MITF: variants seen among roughly 807,000 people sequenced by gnomAD.
The protein encoded by MITF is melanocyte inducing transcription factor, also known as microphthalmia-associated transcription factor.
A neutral mutation model predicts 60.5 loss-of-function variants in MITF; 17 were observed. That is an observed-to-expected ratio of 0.28 (90% CI 0.19 to 0.42). The LOEUF (loss-of-function observed/expected upper bound fraction) is 0.42, where lower values mean the gene tolerates loss of function less well. Among genes scored for constraint, MITF ranks in the 10% least tolerant of loss-of-function variants. The pLI is 1.00. For synonymous variants in MITF, 260 were observed against 248.5 expected, an observed-to-expected ratio of 1.05 and a Z score of -0.43; for missense variants, 622 against 683.5, an observed-to-expected ratio of 0.91 and a Z score of 1.00.
At chr3:69,822,154 G>A (rs1054605252) in intron 1 of MITF, among the ~76,000 whole-genome samples, 2 of 152,088 alleles carry the variant, frequency 1.3e-5, no homozygotes, top group Non-Finnish European at 2.9e-5. Flanking sequence ...ACCACACCTG[G>A]CCTGTCAGCA....
intron 2 of MITF, among the ~76,000 whole-genome samples, chr3:69,889,043 T>C (rs1202013620): frequency 1.4e-5 from 2 of 146,906 alleles, no homozygotes; most frequent in Non-Finnish European, 3.0e-5. Context: ...TTTTTTTTTT[T>C]TTTTTTTTGC....
intron 1 of MITF, among the ~76,000 whole-genome samples, chr3:69,835,893 T>C (rs2063532744): frequency 6.6e-6 from 1 of 152,224 alleles, no homozygotes; most frequent in Non-Finnish European, 1.5e-5. Flanking sequence ...GTAGTATATT[T>C]TGAAGTCAGG....
intron 1 of MITF, among the ~76,000 whole-genome samples, chr3:69,857,193 A>G (rs997506483): frequency 6.6e-6 from 1 of 152,012 alleles, no homozygotes. Flanking sequence ...GCAAGGTTCT[A>G]ATTTTAGAAT....
chr3:69,919,513 A>G (rs1194746694), intron 2 of MITF, among the ~76,000 whole-genome samples: 2 of 152,216 alleles, frequency 1.3e-5, no homozygotes, highest in Non-Finnish European at 2.9e-5. Flanking sequence ...CCCCCAAGAC[A>G]ACATTTGTGC....
chr3:69,802,368 G>A (rs1370432886), intron 1 of MITF, among the ~76,000 whole-genome samples: 1 of 152,128 alleles, frequency 6.6e-6, no homozygotes, highest in Non-Finnish European at 1.5e-5. Context: ...AGCAGAATTC[G>A]AATTCTTTTC....
chr3:69,938,463 C>T, intron 3 of MITF: 1 of 1,478,746 alleles, frequency 6.8e-7, no homozygotes, highest in East Asian at 2.5e-5. Context: ...TTGTGAATGT[C>T]TGGAATATTA....
intron 1 of MITF, among the ~76,000 whole-genome samples, chr3:69,820,201 CTT>C (rs1222539127): frequency 6.6e-6 from 1 of 152,144 alleles, no homozygotes; most frequent in Non-Finnish European, 1.5e-5. Flanking sequence ...GTAAAATTGA[CTT>C]CACGTGCTTC....
rs142666630 is a variant in MITF at position 69,803,801 on chromosome 3, C to G, written c.104+64100C>G. 3.4e-4 allele frequency among the ~76,000 whole-genome samples: 52 copies of G among 151,986 alleles called. 2 individuals carry two copies. The East Asian group carries it at 5.8e-3, about 17-fold the overall frequency. On this transcript the variant is annotated intron_variant, in intron 1 of 9. Coordinates refer to ENST00000352241, the MANE Select transcript of MITF (RefSeq NM_001354604.2). The stretch of plus-strand genomic sequence containing the variant: ...GCTGCTGTTATTATTCTTATGAACT[C>G]CATTGATCTAATAACTCATGTTTTT...
At chr3:69,953,629 G>GTATATATATATGTATGTATATA in intron 7 of MITF, among the ~76,000 whole-genome samples, 1 of 141,984 alleles carries the variant, frequency 7.0e-6, no homozygotes, top group South Asian at 2.2e-4. Context: ...ATATATGTGT[G>GTATATATATATGTATGTATATA]TATATATATA....
At chr3:69,934,017 C>T (rs555374910) in intron 2 of MITF, among the ~76,000 whole-genome samples, 25 of 152,202 alleles carry the variant, frequency 1.6e-4, no homozygotes, top group African/African-American at 5.5e-4. Flanking sequence ...TATCTTTCTC[C>T]AGCATCTTCT....
chr3:69,775,358 A>G (rs1235922860), intron 1 of MITF, among the ~76,000 whole-genome samples: 1 of 152,166 alleles, frequency 6.6e-6, no homozygotes, highest in Non-Finnish European at 1.5e-5. Flanking sequence ...ATTTATGTGA[A>G]ATGTCTCTGC....
intron 1 of MITF, among the ~76,000 whole-genome samples, chr3:69,813,521 A>C (rs1246365458): frequency 6.6e-6 from 1 of 152,140 alleles, no homozygotes; most frequent in Non-Finnish European, 1.5e-5. Flanking sequence ...AAACTGTTTC[A>C]TATTGCTTTA....
intron 1 of MITF, among the ~76,000 whole-genome samples, chr3:69,877,452 A>T (rs1300410917): frequency 3.2e-5 from 4 of 125,654 alleles, no homozygotes; most frequent in Non-Finnish European, 6.9e-5. Context: ...TTTGTTTATT[A>T]AAAAAAAAAA....
At chr3:69,802,573 C>G (rs1437072260) in intron 1 of MITF, among the ~76,000 whole-genome samples, 1 of 151,866 alleles carries the variant, frequency 6.6e-6, no homozygotes, top group Non-Finnish European at 1.5e-5. Context: ...TGTGAGGGAA[C>G]CGCCATCCAT....
chr3:69,743,493 A>G (rs1365817834), intron 1 of MITF, among the ~76,000 whole-genome samples: 1 of 152,230 alleles, frequency 6.6e-6, no homozygotes, highest in Admixed American at 6.5e-5. Flanking sequence ...GAGGAAGGAC[A>G]TGTTTCATTT....
intron 1 of MITF, among the ~76,000 whole-genome samples, chr3:69,768,646 C>G (rs2062340643): frequency 6.6e-6 from 1 of 152,126 alleles, no homozygotes. Context: ...AAGAATTTGC[C>G]TTGAGGCAGC....
intron 1 of MITF, among the ~76,000 whole-genome samples, chr3:69,818,722 A>G (rs1487343745): frequency 6.6e-6 from 1 of 152,162 alleles, no homozygotes; most frequent in Non-Finnish European, 1.5e-5. Context: ...TAAAATTTTT[A>G]ATGGAAAATA....
At chr3:69,763,594 G>A in intron 1 of MITF, 1 of 1,203,748 alleles carries the variant, frequency 8.3e-7, no homozygotes, top group South Asian at 2.0e-5. Context: ...GTGCACGTAA[G>A]CGTGTGGCAG....
intron 1 of MITF, among the ~76,000 whole-genome samples, chr3:69,807,261 GC>G (rs1263481749): frequency 6.6e-6 from 1 of 152,170 alleles, no homozygotes; most frequent in Non-Finnish European, 1.5e-5. Context: ...GAGATAGTCT[GC>G]CCCCAACCCC....
Sources: allele counts gnomAD v4.1 joint callset (sites outside exome capture counted in the v4.1 genomes callset), GRCh38; gene constraint gnomAD v4.1.1; transcripts MANE v1.5; gene names NCBI Gene and HGNC (gene_info 2026-07-23, HGNC 2026-07-21).